The following IL7 variants were observed in gnomAD, a reference collection of about 807,000 sequenced individuals.
IL7 encodes interleukin 7, also known as interleukin-7.
A neutral mutation model predicts 21.6 loss-of-function variants in IL7; 3 were observed. That is an observed-to-expected ratio of 0.14 (90% CI 0.06 to 0.36). IL7 has a LOEUF of 0.36. Ranked by LOEUF, IL7 falls within the 10% of genes least tolerant of loss-of-function variation. The pLI, the probability that IL7 is intolerant of heterozygous loss-of-function variation, is 1.00. For synonymous variants in IL7, 62 were observed against 68.1 expected, an observed-to-expected ratio of 0.91 and a Z score of 0.44; for missense variants, 175 against 200.2, an observed-to-expected ratio of 0.87 and a Z score of 0.76.
rs139860962 is a variant in IL7 at position 78,699,583 on chromosome 8, C to T, written n.215-13636G>A. Among the ~76,000 whole-genome samples, 1,320 of 152,042 alleles carry T rather than the reference C, an allele frequency of 8.7e-3. 17 individuals are homozygous for T. Among genetic ancestry groups the T allele is most frequent in the African/African-American group, 0.031 (1,266 of 41,480 alleles). ...CATCATCCAGGTATTAAGCCTAGTA[C>T]CCATCAGTTATTTTTCCTGATTCTC... On this transcript the variant is annotated intron_variant and non_coding_transcript_variant, in intron 3 of 4. Transcript: ENST00000523959.
In IL7 at chr8:78,760,643, G is replaced by A. The variant is rs915326133; in HGVS notation, c.148-20561C>T. 572 of 1,586,482 alleles carry A rather than the reference G, an allele frequency of 3.6e-4. 4 individuals are homozygous for A. The highest frequency in any genetic ancestry group is 2.9e-3 in the South Asian group (254 of 88,662). ...TTTAAGAGCTTTGAGGTGCTGTTCT[G>A]AGAATATATCTTTAAGTTCCTGAAT... On this transcript the variant is annotated intron_variant, in intron 2 of 5. Transcript: ENST00000263851.
At chr8:78,682,723 A>C (rs1809829060) in intron 4 of IL7, among the ~76,000 whole-genome samples, 1 of 152,150 alleles carries the variant, frequency 6.6e-6, no homozygotes, top group African/African-American at 2.4e-5. Flanking sequence ...CCTTCCCAAC[A>C]GTCCCCCAAA....
chr8:78,750,479 C>T (rs1483852258), intron 2 of IL7, among the ~76,000 whole-genome samples: 2 of 152,064 alleles, frequency 1.3e-5, no homozygotes, highest in African/African-American at 4.8e-5. Context: ...AAGGACTAGA[C>T]TTACCTATGG....
At chr8:78,690,061 C>A (rs1810157211) in intron 3 of IL7, among the ~76,000 whole-genome samples, 2 of 152,160 alleles carry the variant, frequency 1.3e-5, no homozygotes, top group Non-Finnish European at 1.5e-5. Context: ...AAGGACTTTT[C>A]TTTCCCTGAT....
At chr8:78,682,685 A>G (rs533250849) in intron 4 of IL7, among the ~76,000 whole-genome samples, 1 of 152,270 alleles carries the variant, frequency 6.6e-6, no homozygotes, top group East Asian at 1.9e-4. Flanking sequence ...CCCAAATTTC[A>G]TGCCCTCACA....
intron 3 of IL7, among the ~76,000 whole-genome samples, chr8:78,699,417 A>G (rs1470309275): frequency 1.3e-5 from 2 of 152,194 alleles, no homozygotes; most frequent in African/African-American, 2.4e-5. Context: ...ATATCTTTAC[A>G]TATACTGGTT....
At chr8:78,696,944 A>T (rs917270444) in intron 3 of IL7, among the ~76,000 whole-genome samples, 5 of 152,176 alleles carry the variant, frequency 3.3e-5, no homozygotes, top group Non-Finnish European at 7.3e-5. Flanking sequence ...CTTAACTTTG[A>T]GGAAGTTTTT....
At chr8:78,748,959 T>C (rs1217952376) in intron 2 of IL7, among the ~76,000 whole-genome samples, 1 of 152,132 alleles carries the variant, frequency 6.6e-6, no homozygotes, top group Non-Finnish European at 1.5e-5. Context: ...AAACAAGTGG[T>C]AAATCTATAA....
chr8:78,677,604 G>A (rs1423463269), intron 4 of IL7, among the ~76,000 whole-genome samples: 2 of 151,154 alleles, frequency 1.3e-5, no homozygotes, highest in African/African-American at 4.9e-5. Flanking sequence ...TGTATTCTTT[G>A]TATTTTCTTT....
chr8:78,694,726 C>G (rs565478277), intron 3 of IL7, among the ~76,000 whole-genome samples: 12 of 152,202 alleles, frequency 7.9e-5, no homozygotes, highest in African/African-American at 2.9e-4. Flanking sequence ...GTTCTTTAGA[C>G]TTTTTCCAAT....
chr8:78,755,010 A>G (rs1812302048), intron 2 of IL7, among the ~76,000 whole-genome samples: 1 of 152,240 alleles, frequency 6.6e-6, no homozygotes, highest in African/African-American at 2.4e-5. Flanking sequence ...ATTCTTATAT[A>G]TGGTGAGAGA....
At chr8:78,774,363 T>C (rs1162891875) in intron 2 of IL7, among the ~76,000 whole-genome samples, 1 of 152,160 alleles carries the variant, frequency 6.6e-6, no homozygotes, top group Non-Finnish European at 1.5e-5. Flanking sequence ...ATATTAATTA[T>C]ATTCTAACAT....
chr8:78,685,431 G>A (rs1320592842), intron 4 of IL7, among the ~76,000 whole-genome samples: 2 of 152,066 alleles, frequency 1.3e-5, no homozygotes, highest in African/African-American at 4.8e-5. Flanking sequence ...AGATCCAGAG[G>A]CCATAAAAGA....
At chr8:78,770,318 T>A (rs1007384992) in intron 2 of IL7, among the ~76,000 whole-genome samples, 1 of 152,144 alleles carries the variant, frequency 6.6e-6, no homozygotes. Flanking sequence ...ACTTAGTAGT[T>A]ATCACAAAAT....
chr8:78,779,860 C>T (rs578230157), intron 2 of IL7, among the ~76,000 whole-genome samples: 1 of 152,204 alleles, frequency 6.6e-6, no homozygotes, highest in South Asian at 2.1e-4. Context: ...CTAAATCTGT[C>T]TGGTCGCGGG....
chr8:78,763,199 G>A (rs1178241635), intron 2 of IL7, among the ~76,000 whole-genome samples: 1 of 152,210 alleles, frequency 6.6e-6, no homozygotes, highest in Non-Finnish European at 1.5e-5. Context: ...GTTGGTGCCA[G>A]TGATGGCACA....
chr8:78,685,847 A>G (rs1809951321), intron 4 of IL7: 1 of 152,234 alleles, frequency 6.6e-6, no homozygotes, highest in African/African-American at 2.4e-5. Context: ...ATAGAGTACC[A>G]CAAACTGGAT....
chr8:78,679,462 CTTTAA>C (rs1385307787), intron 4 of IL7: 1 of 151,986 alleles, frequency 6.6e-6, no homozygotes, highest in Non-Finnish European at 1.5e-5. Flanking sequence ...TGAATTGTGT[CTTTAA>C]TTTATGTTAC....
downstream of IL7, among the ~76,000 whole-genome samples, chr8:78,729,182 C>A (rs76801437): frequency 0.037 from 5,620 of 152,050 alleles, 316 homozygotes; most frequent in African/African-American, 0.13. Context: ...CCTGTTTCAT[C>A]TAACCTAAAA....
Sources: gnomAD v4.1 joint callset for allele counts (sites outside exome capture counted in the v4.1 genomes callset) on GRCh38, gnomAD v4.1.1 for gene constraint, MANE v1.5 for transcripts, NCBI Gene and HGNC (gene_info 2026-07-23, HGNC 2026-07-21) for gene names.